SYT13: variants seen among roughly 807,000 people sequenced by gnomAD.
SYT13 encodes the protein synaptotagmin-13.
In SYT13, 21 loss-of-function variants were observed where a neutral mutation model predicts 38.6. The observed-to-expected ratio is 0.54, with a 90% CI of 0.39 to 0.78. The LOEUF (loss-of-function observed/expected upper bound fraction) is 0.78. SYT13 is among the 30% of genes least tolerant of loss of function. The probability of loss-of-function intolerance (pLI) is 0.00; values close to 1 mark genes in which losing one functional copy is unlikely to be tolerated. For synonymous variants in SYT13, 241 were observed against 237.6 expected (o/e 1.01, Z -0.13); for missense variants, 495 against 548.7 (o/e 0.90, Z 0.98).
chr11:45,248,848 C>T (rs1010633818), intron 4 of SYT13, among the ~76,000 whole-genome samples: 4 of 152,282 alleles, frequency 2.6e-5, no homozygotes, highest in Admixed American at 6.5e-5. Context: ...CTAGCCTAGC[C>T]GGCTGCACCA....
intron 1 of SYT13, among the ~76,000 whole-genome samples, chr11:45,283,263 C>T (rs1161173804): frequency 6.6e-6 from 1 of 152,218 alleles, no homozygotes. Flanking sequence ...AGCCTCCAAA[C>T]CCAAAGAATT....
At chr11:45,285,836 A>AC in intron 1 of SYT13, 189 bp downstream of exon 1, 1 of 180,398 alleles carries the variant, frequency 5.5e-6, no homozygotes, top group Non-Finnish European at 1.1e-5. Context: ...CGTCTCCCCC[A>AC]TCCCCTAGCC....
intron 1 of SYT13, among the ~76,000 whole-genome samples, chr11:45,280,511 A>G (rs1205522978): frequency 1.3e-5 from 2 of 152,228 alleles, no homozygotes; most frequent in East Asian, 3.8e-4. Flanking sequence ...ACTGACGTAT[A>G]ACTGCAGACA....
rs541027035 is a variant in SYT13, at chr11:45,276,881, C to T, written c.183+9144G>A. 4.6e-5 allele frequency among the ~76,000 whole-genome samples: 7 copies of T among 152,204 alleles called. No individual in the cohort carries two copies. The South Asian group carries it at 1.5e-3, about 32-fold the overall frequency. ...TGTTAAATATAGAATTACCATATGA[C>T]CCAGCAATCTCACTCCTAGGTATAT... On this transcript the variant is annotated intron_variant, in intron 1 of 5. Transcript: ENST00000020926.
At chr11:45,262,133 G>A (rs1327406925) in intron 1 of SYT13, among the ~76,000 whole-genome samples, 1 of 152,110 alleles carries the variant, frequency 6.6e-6, no homozygotes, top group Non-Finnish European at 1.5e-5. Flanking sequence ...GTATTATTCT[G>A]CCATAGAAAG....
intron 4 of SYT13, among the ~76,000 whole-genome samples, chr11:45,247,796 A>G (rs1422241224): frequency 6.6e-6 from 1 of 152,256 alleles, no homozygotes; most frequent in Non-Finnish European, 1.5e-5. Flanking sequence ...AAACAGAATC[A>G]GTCTCAAAGA....
At chr11:45,275,720 C>T (rs1855002602) in intron 1 of SYT13, among the ~76,000 whole-genome samples, 1 of 152,208 alleles carries the variant, frequency 6.6e-6, no homozygotes, top group African/African-American at 2.4e-5. Context: ...GGCAAGGCTC[C>T]TCCAGGCATC....
At chr11:45,246,949 G>A (rs968615239) in intron 4 of SYT13, among the ~76,000 whole-genome samples, 3 of 152,160 alleles carry the variant, frequency 2.0e-5, no homozygotes, top group Non-Finnish European at 2.9e-5. Context: ...GGGGCAGCGG[G>A]AGAATTGTAA....
intron 4 of SYT13, among the ~76,000 whole-genome samples, chr11:45,249,028 T>C (rs1854644503): frequency 6.6e-6 from 1 of 151,000 alleles, no homozygotes; most frequent in Non-Finnish European, 1.5e-5. Context: ...ATCCAGAATC[T>C]ACAAAGAAAT....
At chr11:45,255,590 C>T (rs1854733972) in intron 2 of SYT13, 76 bp downstream of exon 2, 1 of 1,432,118 alleles carries the variant, frequency 7.0e-7, no homozygotes, top group Admixed American at 2.0e-5. Flanking sequence ...TCAGGCCACA[C>T]ACAGCATCTA....
intron 3 of SYT13, among the ~76,000 whole-genome samples, chr11:45,253,565 A>G (rs1854704682): frequency 6.6e-6 from 1 of 152,232 alleles, no homozygotes; most frequent in Non-Finnish European, 1.5e-5. Context: ...CCCCATTGCT[A>G]GCCCTGATTC....
At chr11:45,265,773 G>A (rs113337087) in intron 1 of SYT13, among the ~76,000 whole-genome samples, 2,558 of 152,156 alleles carry the variant, frequency 0.017, 46 homozygotes, top group African/African-American at 0.047. Flanking sequence ...ATATGAATTC[G>A]AGGGCACACA....
intron 1 of SYT13, among the ~76,000 whole-genome samples, chr11:45,276,224 C>T (rs1163612922): frequency 6.6e-6 from 1 of 152,134 alleles, no homozygotes; most frequent in Non-Finnish European, 1.5e-5. Context: ...ATATGTGGCA[C>T]ATATACACCA....
At position 45,241,514 on chromosome 11, in the gene SYT13, C is replaced by CG. The variant is rs5791668; in HGVS notation, c.*2537_*2538insC. On this transcript the variant is annotated 3_prime_UTR_variant, in exon 6 of 6. Coordinates refer to ENST00000020926, the MANE Select transcript of SYT13 (RefSeq NM_020826.3). ...ACTTTGAGATCCCTCCCCCGCCCCGCCCCCCCAAAAAAAAGAAGAAGAAGA... is the reference window on the plus strand; with the variant it reads ...ACTTTGAGATCCCTCCCCCGCCCCGCGCCCCCCAAAAAAAAGAAGAAGAAGA... 8.3e-5 allele frequency: 1 copy of CG among 12,094 alleles called. No homozygotes were observed. The highest frequency in any genetic ancestry group is 8.3e-4 in the Non-Finnish European group (1 of 1,204). The allele number at this position is 12,094 out of a possible 1,614,324, so 0.7% of individuals were successfully genotyped here.
intron 1 of SYT13, among the ~76,000 whole-genome samples, chr11:45,281,625 C>T (rs1400402729): frequency 6.6e-6 from 1 of 151,112 alleles, no homozygotes; most frequent in Non-Finnish European, 1.5e-5. Flanking sequence ...CGAGATCATG[C>T]CACTGTACTC....
chr11:45,276,955 C>T (rs1255925287), intron 1 of SYT13, among the ~76,000 whole-genome samples: 1 of 152,138 alleles, frequency 6.6e-6, no homozygotes, highest in African/African-American at 2.4e-5. Context: ...CAGGAATGTA[C>T]TTAGCAGTAC....
chr11:45,246,536 G>A (rs754177810), intron 4 of SYT13, 24 bp from the exon 5 acceptor site: 1 of 1,612,426 alleles, frequency 6.2e-7, no homozygotes, highest in Non-Finnish European at 8.5e-7. Flanking sequence ...GGAGATGCAG[G>A]AGGGGAGTCT....
chr11:45,272,885 G>A (rs4755307), intron 1 of SYT13, among the ~76,000 whole-genome samples: 129,241 of 152,190 alleles, frequency 0.85, 55,753 homozygotes, highest in Middle Eastern at 0.91. Context: ...AGTGGCTTCT[G>A]AACAATAGAA....
At chr11:45,250,107 G>A (rs907701613) in intron 4 of SYT13, among the ~76,000 whole-genome samples, 1 of 152,166 alleles carries the variant, frequency 6.6e-6, no homozygotes, top group South Asian at 2.1e-4. Flanking sequence ...TCTAGCTGGG[G>A]CGAGGGGCTG....
Sources: gnomAD v4.1 joint callset for allele counts (sites outside exome capture counted in the v4.1 genomes callset) on GRCh38, gnomAD v4.1.1 for gene constraint, MANE v1.5 for transcripts, NCBI Gene and HGNC (gene_info 2026-07-23, HGNC 2026-07-21) for gene names.